The following CDH12 variants were observed in gnomAD, a reference collection of about 807,000 sequenced individuals.
CDH12 encodes the protein cadherin 12.
CDH12 carries 41 observed loss-of-function variants against 74.1 expected under a neutral mutation model. That is an observed-to-expected ratio of 0.55 (90% CI 0.43 to 0.72). The LOEUF (loss-of-function observed/expected upper bound fraction) is 0.72. Among genes scored for constraint, CDH12 ranks in the 30% least tolerant of loss-of-function variants. CDH12 has a pLI of 0.00. For synonymous variants in CDH12, 399 were observed against 355.0 expected (o/e 1.12, Z -1.39); for missense variants, 945 against 977.2 (o/e 0.97, Z 0.44).
intron 1 of CDH12, among the ~76,000 whole-genome samples, chr5:22,687,452 G>C (rs1741870451): frequency 6.6e-6 from 1 of 152,080 alleles, no homozygotes; most frequent in African/African-American, 2.4e-5. Flanking sequence ...CTGTTGCCCA[G>C]ACTGCAATGC....
chr5:22,420,177 A>G (rs909003769), intron 2 of CDH12, among the ~76,000 whole-genome samples: 5 of 152,002 alleles, frequency 3.3e-5, no homozygotes, highest in African/African-American at 9.7e-5. Flanking sequence ...CTTTAGTTTA[A>G]TTATATCCCA....
intron 3 of CDH12, among the ~76,000 whole-genome samples, chr5:22,240,142 A>G (rs1752695167): frequency 6.6e-6 from 1 of 152,196 alleles, no homozygotes. Context: ...CTCCAGAGTT[A>G]GCAGTATCCA....
chr5:21,900,215 G>C (rs527606120), intron 6 of CDH12, among the ~76,000 whole-genome samples: 1 of 152,176 alleles, frequency 6.6e-6, no homozygotes, highest in African/African-American at 2.4e-5. Flanking sequence ...TCTTGTGGTA[G>C]CTATCACAGG....
chr5:22,775,363 G>T (rs1747036644), intron 1 of CDH12, among the ~76,000 whole-genome samples: 1 of 151,920 alleles, frequency 6.6e-6, no homozygotes, highest in Non-Finnish European at 1.5e-5. Context: ...CATTACCTTA[G>T]GCTCATAGTG....
intron 6 of CDH12, among the ~76,000 whole-genome samples, chr5:21,875,712 G>C (rs993118266): frequency 9.3e-5 from 11 of 117,834 alleles, no homozygotes; most frequent in Non-Finnish European, 1.9e-4. Flanking sequence ...TGCTTCTGTA[G>C]AATGCTTCCT....
At chr5:22,528,362 C>A (rs529432727) in intron 1 of CDH12, among the ~76,000 whole-genome samples, 1 of 152,214 alleles carries the variant, frequency 6.6e-6, no homozygotes, top group Admixed American at 6.5e-5. Context: ...ATGTCCTGAG[C>A]TTCATCAATA....
chr5:21,907,122 C>G (rs1753676592), intron 6 of CDH12, among the ~76,000 whole-genome samples: 1 of 152,212 alleles, frequency 6.6e-6, no homozygotes, highest in African/African-American at 2.4e-5. Context: ...CTCATATAAA[C>G]TCCAGCAACA....
chr5:22,226,395 G>T (rs11741883), intron 3 of CDH12, among the ~76,000 whole-genome samples: 50,588 of 151,782 alleles, frequency 0.33, 9,991 homozygotes, highest in Admixed American at 0.46. Flanking sequence ...GCAAGTCAAA[G>T]ATTTGAAACA....
At chr5:22,494,602 T>G (rs1487326339) in intron 2 of CDH12, among the ~76,000 whole-genome samples, 3 of 152,228 alleles carry the variant, frequency 2.0e-5, no homozygotes, top group Non-Finnish European at 4.4e-5. Context: ...AACTTACATC[T>G]TGTTTATATC....
At chr5:22,686,747 A>T (rs553833727) in intron 1 of CDH12, among the ~76,000 whole-genome samples, 2 of 152,216 alleles carry the variant, frequency 1.3e-5, no homozygotes, top group South Asian at 4.1e-4. Context: ...ATTAAATTCA[A>T]TAATACACAT....
At chr5:22,265,870 A>G (rs185812625) in intron 3 of CDH12, among the ~76,000 whole-genome samples, 111 of 152,188 alleles carry the variant, frequency 7.3e-4, no homozygotes, top group Admixed American at 3.8e-3. Context: ...AACACAGATG[A>G]TTGGTACACT....
chr5:22,818,045 A>T (rs769993163), intron 1 of CDH12, among the ~76,000 whole-genome samples: 2 of 152,172 alleles, frequency 1.3e-5, no homozygotes, highest in Non-Finnish European at 2.9e-5. Context: ...TATAAAAATC[A>T]AACTGCAGCA....
intron 1 of CDH12, among the ~76,000 whole-genome samples, chr5:22,664,553 A>G (rs940155026): frequency 1.3e-5 from 2 of 152,160 alleles, no homozygotes; most frequent in African/African-American, 2.4e-5. Flanking sequence ...GGGGATTGCA[A>G]TTCAAGGTGA....
At chr5:22,323,946 G>C (rs1738986056) in intron 3 of CDH12, among the ~76,000 whole-genome samples, 2 of 152,218 alleles carry the variant, frequency 1.3e-5, no homozygotes, top group South Asian at 4.1e-4. Flanking sequence ...CAAAAGTCTT[G>C]AGGCCCATCA....
chr5:22,231,845 T>G (rs990288306), intron 3 of CDH12, among the ~76,000 whole-genome samples: 1 of 151,940 alleles, frequency 6.6e-6, no homozygotes, highest in African/African-American at 2.4e-5. Flanking sequence ...TATAAAAATC[T>G]AAGTAATTAC....
chr5:21,865,459 G>T (rs1274016808), intron 6 of CDH12, among the ~76,000 whole-genome samples: 1 of 152,132 alleles, frequency 6.6e-6, no homozygotes, highest in African/African-American at 2.4e-5. Context: ...GCACCTCAAG[G>T]CTTCCTTTGC....
chr5:22,711,047 A>G (rs569094633), intron 1 of CDH12, among the ~76,000 whole-genome samples: 1 of 149,708 alleles, frequency 6.7e-6, no homozygotes, highest in South Asian at 2.1e-4. Flanking sequence ...AAATTGTTAT[A>G]TTTATTCCTT....
intron 4 of CDH12, among the ~76,000 whole-genome samples, chr5:22,162,528 T>G (rs1168790362): frequency 6.6e-6 from 1 of 152,170 alleles, no homozygotes; most frequent in African/African-American, 2.4e-5. Context: ...AAGCTCCCAA[T>G]GCCAAAGTGT....
chr5:22,165,864 C>T (rs1455914232), intron 4 of CDH12, among the ~76,000 whole-genome samples: 1 of 152,160 alleles, frequency 6.6e-6, no homozygotes, highest in Non-Finnish European at 1.5e-5. Context: ...TTTACAAATG[C>T]CATGGCAAGA....
Sources: allele counts gnomAD v4.1 joint callset (sites outside exome capture counted in the v4.1 genomes callset), GRCh38; gene constraint gnomAD v4.1.1; transcripts MANE v1.5; gene names NCBI Gene and HGNC (gene_info 2026-07-23, HGNC 2026-07-21).